EYS: variants seen among roughly 807,000 people sequenced by gnomAD.
The protein encoded by EYS is EGF-like photoreceptor maintenance factor, also known as protein eyes shut homolog.
Under a neutral mutation model 282.1 loss-of-function variants are expected in EYS, and 250 were observed. The observed-to-expected ratio is 0.89, with a 90% CI of 0.80 to 0.98. The LOEUF is 0.98. Ranked by LOEUF, EYS falls within the 50% of genes least tolerant of loss-of-function variation. The pLI is 0.00. For synonymous variants in EYS, 1,355 were observed against 1,282.9 expected (o/e 1.06, Z -1.20); for missense variants, 4,016 against 3,709.0 (o/e 1.08, Z -2.15).
intron 28 of EYS, among the ~76,000 whole-genome samples, chr6:64,396,644 A>G (rs1281663769): frequency 6.6e-6 from 1 of 151,996 alleles, no homozygotes. Context: ...TGGAAATCCA[A>G]TCGACTCAGT....
chr6:65,511,538 A>G (rs1316482050), intron 2 of EYS, among the ~76,000 whole-genome samples: 1 of 152,182 alleles, frequency 6.6e-6, no homozygotes, highest in Non-Finnish European at 1.5e-5. Flanking sequence ...TATGATGTGT[A>G]TTGTGGAATC....
At position 64,590,874 on chromosome 6, in the gene EYS, A is replaced by T. The variant is rs1359768893; in HGVS notation, c.4993T>A (p.Cys1665Ser). 1.3e-6 allele frequency: 2 copies of T among 1,550,284 alleles called. No homozygotes were observed. The highest frequency in any genetic ancestry group is 1.7e-6 in the Non-Finnish European group (2 of 1,146,380). ...GTTTGTGAAGGGACAATGGATAAAC[A>T]AGTCTTATCCAAACATAAATTAACA... The part of the protein sequence containing the change: ...LDVNLCLDKT[C>S]LSIVPSQTIS... Residue 1665 changes from cysteine (C) to serine (S), a missense_variant, in exon 26 of 43, where the codon TGT becomes AGT. By Grantham distance (112) the Cys-to-Ser change is moderately radical. Transcript: ENST00000503581.
chr6:64,235,238 C>G (rs547584129), intron 30 of EYS, among the ~76,000 whole-genome samples: 2 of 146,064 alleles, frequency 1.4e-5, no homozygotes, highest in East Asian at 2.1e-4. Flanking sequence ...ATCCCTCCCC[C>G]CTCCCCCTAC....
intron 35 of EYS, among the ~76,000 whole-genome samples, chr6:63,897,400 A>G (rs1195079752): frequency 6.6e-6 from 1 of 152,172 alleles, no homozygotes; most frequent in African/African-American, 2.4e-5. Context: ...TGCTATTACA[A>G]GGATCCTTGT....
chr6:64,666,234 A>G (rs934905909), intron 22 of EYS, among the ~76,000 whole-genome samples: 9 of 152,208 alleles, frequency 5.9e-5, no homozygotes, highest in African/African-American at 2.2e-4. Flanking sequence ...GTACCCCCAA[A>G]CCTAAAACTT....
At chr6:64,819,987 AAAT>A (rs1235113270) in intron 21 of EYS, among the ~76,000 whole-genome samples, 1 of 152,122 alleles carries the variant, frequency 6.6e-6, no homozygotes, top group Non-Finnish European at 1.5e-5. Flanking sequence ...ATATAAATTA[AAAT>A]AATGACAAAT....
chr6:65,247,565 G>C (rs1176558770), intron 12 of EYS, among the ~76,000 whole-genome samples: 2 of 151,984 alleles, frequency 1.3e-5, no homozygotes, highest in African/African-American at 4.8e-5. Context: ...TATATGACAA[G>C]AACTCATAAT....
intron 12 of EYS, among the ~76,000 whole-genome samples, chr6:65,098,791 A>G (rs1246934915): frequency 6.6e-6 from 1 of 150,846 alleles, no homozygotes; most frequent in Non-Finnish European, 1.5e-5. Context: ...AACATTATTT[A>G]TACTTCTATT....
intron 41 of EYS, among the ~76,000 whole-genome samples, chr6:63,728,485 T>A (rs567163656): frequency 5.9e-5 from 9 of 152,078 alleles, no homozygotes; most frequent in African/African-American, 1.2e-4. Context: ...GGTTTCCATA[T>A]ACCCCTTGTC....
chr6:64,909,504 G>T (rs1467922018), intron 16 of EYS, among the ~76,000 whole-genome samples: 1 of 151,916 alleles, frequency 6.6e-6, no homozygotes, highest in Admixed American at 6.6e-5. Flanking sequence ...TACAGATATT[G>T]TGCCAAACTA....
intron 12 of EYS, among the ~76,000 whole-genome samples, chr6:65,064,067 T>C (rs1773657881): frequency 6.7e-6 from 1 of 149,220 alleles, no homozygotes; most frequent in Non-Finnish European, 1.5e-5. Context: ...CATATACTAA[T>C]ACTGCTATAC....
chr6:65,232,386 A>G (rs1388266701), intron 12 of EYS, among the ~76,000 whole-genome samples: 3 of 151,968 alleles, frequency 2.0e-5, no homozygotes, highest in African/African-American at 7.2e-5. Context: ...GTATTAATGG[A>G]CTCCTCAAAA....
At chr6:64,650,529 T>C (rs375437826) in intron 22 of EYS, among the ~76,000 whole-genome samples, 15 of 152,196 alleles carry the variant, frequency 9.9e-5, no homozygotes, top group East Asian at 3.9e-4. Flanking sequence ...AGAATTTAAC[T>C]TTATACAGCA....
intron 35 of EYS, among the ~76,000 whole-genome samples, chr6:63,968,662 A>C (rs879404561): frequency 6.6e-6 from 1 of 152,214 alleles, no homozygotes; most frequent in Non-Finnish European, 1.5e-5. Context: ...AGAATATTTC[A>C]GAGGTTTCTC....
chr6:65,679,120 G>A (rs1768730934), intron 1 of EYS, among the ~76,000 whole-genome samples: 1 of 151,826 alleles, frequency 6.6e-6, no homozygotes, highest in African/African-American at 2.4e-5. Flanking sequence ...ATTAAAAATA[G>A]AACTACTATA....
At chr6:65,085,838 G>A (rs922516533) in intron 12 of EYS, among the ~76,000 whole-genome samples, 12 of 152,012 alleles carry the variant, frequency 7.9e-5, no homozygotes, top group African/African-American at 2.4e-4. Flanking sequence ...GTCTGCCTTT[G>A]CTCTTGCTTC....
intron 39 of EYS, chr6:63,787,194 T>A (rs762837702): frequency 6.6e-6 from 1 of 152,242 alleles, no homozygotes; most frequent in Non-Finnish European, 1.5e-5. Flanking sequence ...GCCAGCTCTG[T>A]GTGTGCTGAT....
At chr6:65,297,388 T>C (rs1768696474) in intron 11 of EYS, among the ~76,000 whole-genome samples, 1 of 151,920 alleles carries the variant, frequency 6.6e-6, no homozygotes, top group Non-Finnish European at 1.5e-5. Context: ...TATATGACGG[T>C]AAGCGTTTGG....
At chr6:63,959,843 C>G (rs539621837) in intron 35 of EYS, among the ~76,000 whole-genome samples, 1 of 152,044 alleles carries the variant, frequency 6.6e-6, no homozygotes, top group East Asian at 1.9e-4. Context: ...GAACAACACA[C>G]ACCATGGCCT....
Sources: gnomAD v4.1 joint callset for allele counts (sites outside exome capture counted in the v4.1 genomes callset) on GRCh38, gnomAD v4.1.1 for gene constraint, MANE v1.5 for transcripts, NCBI Gene and HGNC (gene_info 2026-07-23, HGNC 2026-07-21) for gene names.